The following PLCXD3 variants were observed in gnomAD, a reference collection of about 807,000 sequenced individuals.
PLCXD3 encodes the protein phosphatidylinositol specific phospholipase C X domain containing 3, also known as PI-PLC X domain-containing protein 3.
A neutral mutation model predicts 25.5 loss-of-function variants in PLCXD3; 19 were observed. The observed-to-expected ratio is 0.75, with a 90% CI of 0.52 to 1.09. PLCXD3 has a LOEUF of 1.09. Among genes scored for constraint, PLCXD3 ranks in the 50% least tolerant of loss-of-function variants. The pLI is 0.00. For missense variants in PLCXD3, 411 were observed against 388.1 expected, an observed-to-expected ratio of 1.06 and a Z score of -0.50; for synonymous variants, 174 against 137.6, an observed-to-expected ratio of 1.26 and a Z score of -1.85.
chr5:41,342,965 A>G (rs1328802114), intron 2 of PLCXD3, among the ~76,000 whole-genome samples: 1 of 152,174 alleles, frequency 6.6e-6, no homozygotes, highest in Non-Finnish European at 1.5e-5. Context: ...AGAAGTCTAC[A>G]GTTCTCAAAA....
intron 2 of PLCXD3, among the ~76,000 whole-genome samples, chr5:41,335,569 C>G (rs929222955): frequency 2.6e-5 from 4 of 152,222 alleles, no homozygotes; most frequent in African/African-American, 9.6e-5. Context: ...TAAAGTATTA[C>G]TTTAAAAATA....
intron 2 of PLCXD3, among the ~76,000 whole-genome samples, chr5:41,349,084 A>C (rs1271874040): frequency 6.6e-6 from 1 of 152,184 alleles, no homozygotes; most frequent in Non-Finnish European, 1.5e-5. Flanking sequence ...AGATACTGAC[A>C]GTGCAAAGGA....
At chr5:41,429,851 G>A (rs1424191245) in intron 1 of PLCXD3, among the ~76,000 whole-genome samples, 2 of 152,014 alleles carry the variant, frequency 1.3e-5, no homozygotes, top group Non-Finnish European at 2.9e-5. Flanking sequence ...GTCAGATAAG[G>A]TATAGTTTTA....
intron 2 of PLCXD3, among the ~76,000 whole-genome samples, chr5:41,334,426 G>T (rs568607903): frequency 6.6e-6 from 1 of 152,096 alleles, no homozygotes; most frequent in African/African-American, 2.4e-5. Flanking sequence ...GATTTGCATA[G>T]AAGAGCTGCT....
chr5:41,331,880 G>A (rs1386239509), intron 2 of PLCXD3, among the ~76,000 whole-genome samples: 1 of 152,148 alleles, frequency 6.6e-6, no homozygotes, highest in Non-Finnish European at 1.5e-5. Flanking sequence ...TGGGAAAACT[G>A]GCTAGCCATA....
At position 41,503,965 on chromosome 5, in the gene PLCXD3, A is replaced by ATG. The variant is rs72485445; in HGVS notation, c.103+6457_103+6458dup. On this transcript the variant is annotated intron_variant, in intron 1 of 2. Coordinates refer to ENST00000377801, the MANE Select transcript of PLCXD3 (RefSeq NM_001005473.3). ...TCCCCTTTAAGCAACAGGAATTAAA[A>ATG]TGTGTGTGTGTGTGTGTGCACTTGT... is the stretch of plus-strand genomic sequence containing the variant. Among the ~76,000 whole-genome samples the ATG allele has an allele frequency of 3.4e-3, 505 of 146,880 alleles. 5 individuals carry two copies. The highest frequency in any genetic ancestry group is 0.012 in the South Asian group (53 of 4,600).
At chr5:41,431,675 G>T in intron 1 of PLCXD3, among the ~76,000 whole-genome samples, 1 of 152,106 alleles carries the variant, frequency 6.6e-6, no homozygotes, top group African/African-American at 2.4e-5. Context: ...TTATTTGATT[G>T]TTTTCAGATT....
chr5:41,413,716 G>A (rs1207609229), intron 1 of PLCXD3, among the ~76,000 whole-genome samples: 2 of 152,062 alleles, frequency 1.3e-5, no homozygotes. Context: ...TCACACTTAT[G>A]AGGTGAAAGA....
chr5:41,313,347 T>A lies in PLCXD3; in HGVS notation c.*270A>T, dbSNP rs1041886235. ...CTCATGAATTCTATGTTACAAAGAC[T>A]AATTTTGAAAAACAAAGTTACTGGT... On this transcript the variant is annotated 3_prime_UTR_variant, in exon 3 of 3. Coordinates refer to ENST00000377801, the MANE Select transcript of PLCXD3 (RefSeq NM_001005473.3). 2 of 385,394 alleles carry A rather than the reference T, an allele frequency of 5.2e-6. No homozygotes were observed. The highest frequency in any genetic ancestry group is 9.4e-6 in the Non-Finnish European group (2 of 213,552). The allele number at this position is 385,394 out of a possible 1,614,324, so 23.9% of individuals were successfully genotyped here. A position where few individuals can be genotyped will look rare whatever the true frequency, so the allele number is the denominator to read the frequency against.
intron 1 of PLCXD3, among the ~76,000 whole-genome samples, chr5:41,452,834 G>A (rs1020311909): frequency 2.0e-5 from 3 of 151,686 alleles, no homozygotes; most frequent in South Asian, 2.1e-4. Flanking sequence ...TCTCAAAAAC[G>A]GTACCACATT....
chr5:41,325,094 G>T (rs1390084357), intron 2 of PLCXD3, among the ~76,000 whole-genome samples: 1 of 152,180 alleles, frequency 6.6e-6, no homozygotes, highest in African/African-American at 2.4e-5. Context: ...GGAGAGGTTA[G>T]GAGAACACAA....
intron 1 of PLCXD3, among the ~76,000 whole-genome samples, chr5:41,492,496 G>A (rs1001649738): frequency 6.7e-6 from 1 of 149,054 alleles, no homozygotes; most frequent in Non-Finnish European, 1.5e-5. Flanking sequence ...TGCTAGATTG[G>A]GGAAGTTCTC....
chr5:41,466,899 A>T (rs2150518767), intron 1 of PLCXD3, among the ~76,000 whole-genome samples: 1 of 152,246 alleles, frequency 6.6e-6, no homozygotes, highest in East Asian at 1.9e-4. Context: ...TCTCTTTTTT[A>T]AGGCTAAATA....
chr5:41,316,155 T>G (rs1743284633), intron 2 of PLCXD3, among the ~76,000 whole-genome samples: 1 of 152,146 alleles, frequency 6.6e-6, no homozygotes, highest in Non-Finnish European at 1.5e-5. Context: ...GTCTTGCCTC[T>G]TGGATACCAG....
At position 41,308,619 on chromosome 5, in the gene PLCXD3, G is replaced by A. The variant is rs1743056207; in HGVS notation, c.*4998C>T. On this transcript the variant is annotated 3_prime_UTR_variant, in exon 3 of 3. Transcript: ENST00000377801. ...GGTTGCATGCTTGTTTTCTCGAGAA[G>A]AGAACCATGTTGGAACCACCTAGTA... The A allele has an allele frequency of 6.6e-6, 1 of 152,130 alleles. No homozygotes were observed. 9.4% of individuals were successfully genotyped at this position (152,130 alleles called of 1,614,324 possible).
At chr5:41,477,613 C>A (rs985272948) in intron 1 of PLCXD3, among the ~76,000 whole-genome samples, 1 of 151,998 alleles carries the variant, frequency 6.6e-6, no homozygotes, top group Non-Finnish European at 1.5e-5. Context: ...ATCTCCAGCC[C>A]CCTTACACCA....
intron 2 of PLCXD3, among the ~76,000 whole-genome samples, chr5:41,321,629 C>T (rs1743473672): frequency 6.6e-6 from 1 of 152,120 alleles, no homozygotes; most frequent in Non-Finnish European, 1.5e-5. Context: ...CCAAAGTTAT[C>T]CAAACCAAAA....
Position 41,313,699 on chromosome 5 carries a change from G to A in PLCXD3, c.884C>T (p.Ala295Val), listed in dbSNP as rs1042533453. 8.1e-6 allele frequency: 13 copies of A among 1,613,630 alleles called. No homozygotes were observed. The highest frequency in any genetic ancestry group is 1.3e-5 in the African/African-American group (1 of 74,860). The change falls in exon 3 of 3, where the codon GCC becomes GTC. Residue 295 changes from alanine (A) to valine (V), a missense_variant. Transcript: ENST00000377801. ...PGESGINIVT[A>V]DFVELGDFIS... ...AAAGTCACCAAGTTCTACAAAATCGGCAGTGACAATATTGATGCCACTCTC... is the reference window on the plus strand; with the variant it reads ...AAAGTCACCAAGTTCTACAAAATCGACAGTGACAATATTGATGCCACTCTC...
At chr5:41,475,566 A>G (rs1748263903) in intron 1 of PLCXD3, 7 of 525,654 alleles carry the variant, frequency 1.3e-5, no homozygotes, top group Non-Finnish European at 2.3e-5. Context: ...ATCCCTACTT[A>G]TCTCTGTTTA....
Sources: gnomAD v4.1 joint callset for allele counts (sites outside exome capture counted in the v4.1 genomes callset) on GRCh38, gnomAD v4.1.1 for gene constraint, MANE v1.5 for transcripts, NCBI Gene and HGNC (gene_info 2026-07-23, HGNC 2026-07-21) for gene names.